MMS22L: variants seen among roughly 807,000 people sequenced by gnomAD.
MMS22L encodes the protein MMS22 like, DNA repair protein, also known as protein MMS22-like.
Under a neutral mutation model 159.1 loss-of-function variants are expected in MMS22L, and 74 were observed. That is an observed-to-expected ratio of 0.47 (90% CI 0.39 to 0.56). MMS22L has a LOEUF of 0.56. Ranked by LOEUF, MMS22L falls within the 20% of genes least tolerant of loss-of-function variation. The pLI is 0.00. For synonymous variants in MMS22L, 517 were observed against 506.9 expected, an observed-to-expected ratio of 1.02 and a Z score of -0.27; for missense variants, 1,351 against 1,422.1, an observed-to-expected ratio of 0.95 and a Z score of 0.80.
chr6:97,219,358 C>T (rs933419470), intron 14 of MMS22L, among the ~76,000 whole-genome samples: 13 of 152,180 alleles, frequency 8.5e-5, no homozygotes, highest in Non-Finnish European at 1.9e-4. Context: ...GATTCATGTT[C>T]TGGACAGGTG....
Position 97,233,863 on chromosome 6 carries a change from G to A in MMS22L, c.1300C>T (p.Leu434=). 1.2e-6 allele frequency: 2 copies of A among 1,600,098 alleles called. No individual in the cohort carries two copies. Among genetic ancestry groups the A allele is most frequent in the African/African-American group, 1.3e-5 (1 of 74,346 alleles). ...AAATTCCTATTCTATTCACTCACCA[G>A]GTTCTTACTATAATATTCCCATAAA... ...TILWEYYSKN[L]NSSFSISWLP... Residue 434 remains leucine, a splice_region_variant and synonymous_variant, in exon 12 of 25, where the codon CTG becomes TTG. Coordinates refer to ENST00000683635, the MANE Select transcript of MMS22L (RefSeq NM_001350599.2).
chr6:97,236,001 T>C (rs527264804), intron 11 of MMS22L, among the ~76,000 whole-genome samples: 2 of 152,182 alleles, frequency 1.3e-5, no homozygotes, highest in South Asian at 2.1e-4. Context: ...CCCGAATGGA[T>C]TGGAGAAGAG....
intron 19 of MMS22L, among the ~76,000 whole-genome samples, chr6:97,169,964 T>G (rs1370499259): frequency 6.6e-6 from 1 of 152,016 alleles, no homozygotes; most frequent in African/African-American, 2.4e-5. Context: ...AATAAGATAT[T>G]TTGACGAGGG....
In MMS22L at chr6:97,273,055, T is replaced by A. The variant is rs761138645; in HGVS notation, c.348A>T (p.Val116=). 6.2e-7 allele frequency: 1 copy of A among 1,603,992 alleles called. No individual in the cohort carries two copies. The highest frequency in any genetic ancestry group is 1.3e-5 in the African/African-American group (1 of 74,332). Residue 116 remains valine, a synonymous_variant, in exon 5 of 25, where the codon GTA becomes GTT. Coordinates refer to ENST00000683635, the MANE Select transcript of MMS22L (RefSeq NM_001350599.2). ...LLQSSCDFGK[V]STLHCKADNI... is the part of the protein sequence containing the mutation. Reference sequence around the variant, plus strand: ...TGTCTGCTTTGCAGTGTAGAGTTGATACCTTCCCTGAAACCAAAATAGACA... The same window carrying A: ...TGTCTGCTTTGCAGTGTAGAGTTGAAACCTTCCCTGAAACCAAAATAGACA...
At chr6:97,154,984 T>G (rs890327686) in intron 22 of MMS22L, among the ~76,000 whole-genome samples, 3 of 152,210 alleles carry the variant, frequency 2.0e-5, no homozygotes, top group Non-Finnish European at 4.4e-5. Context: ...ATGGAGCTAT[T>G]AGTATAGTCA....
intron 24 of MMS22L, among the ~76,000 whole-genome samples, chr6:97,149,204 A>G (rs1481010124): frequency 1.3e-5 from 2 of 152,186 alleles, no homozygotes; most frequent in East Asian, 3.9e-4. Flanking sequence ...GTTAAGCAAC[A>G]CATAACTGTA....
At chr6:97,177,265 T>C (rs905376531) in intron 18 of MMS22L, among the ~76,000 whole-genome samples, 10 of 152,168 alleles carry the variant, frequency 6.6e-5, no homozygotes, top group African/African-American at 1.9e-4. Context: ...AAACTTCTTA[T>C]ACTAAAATGC....
At chr6:97,249,675 T>C (rs1252809321) in intron 10 of MMS22L, among the ~76,000 whole-genome samples, 2 of 151,724 alleles carry the variant, frequency 1.3e-5, no homozygotes, top group Non-Finnish European at 2.9e-5. Flanking sequence ...TCCAAGGTTA[T>C]CTGGCACCAA....
chr6:97,148,040 G>C (rs907183284), intron 24 of MMS22L, among the ~76,000 whole-genome samples: 10 of 152,092 alleles, frequency 6.6e-5, no homozygotes, highest in African/African-American at 1.9e-4. Flanking sequence ...AAACATTTTG[G>C]TCAATGATGG....
chr6:97,150,874 G>A (rs1157663182), intron 23 of MMS22L, among the ~76,000 whole-genome samples: 2 of 152,062 alleles, frequency 1.3e-5, no homozygotes, highest in Non-Finnish European at 2.9e-5. Flanking sequence ...ATACAAAAAC[G>A]TATTGCCCTA....
chr6:97,237,257 G>A (rs565792164), intron 11 of MMS22L, among the ~76,000 whole-genome samples: 1 of 152,204 alleles, frequency 6.6e-6, no homozygotes, highest in South Asian at 2.1e-4. Flanking sequence ...ATAACGTCAG[G>A]GTCACTAGCA....
intron 17 of MMS22L, 24 bp from the exon 18 acceptor site, chr6:97,178,609 T>A (rs1218357317): frequency 8.2e-7 from 1 of 1,226,494 alleles, no homozygotes; most frequent in Non-Finnish European, 1.1e-6. Context: ...ATAGTATTTG[T>A]TATATCAATT....
intron 14 of MMS22L, among the ~76,000 whole-genome samples, chr6:97,188,696 A>G (rs1805514440): frequency 6.6e-6 from 1 of 152,208 alleles, no homozygotes; most frequent in South Asian, 2.1e-4. Flanking sequence ...CTTAGGTTAA[A>G]GAAATTTCAT....
intron 14 of MMS22L, among the ~76,000 whole-genome samples, chr6:97,213,088 T>C (rs1364823068): frequency 6.6e-6 from 1 of 152,172 alleles, no homozygotes; most frequent in Non-Finnish European, 1.5e-5. Context: ...GAGTAACATG[T>C]CTTTGATATT....
Position 97,204,937 on chromosome 6 carries a change from CTTTTTTTTTTTT to C in MMS22L, c.2040-18259_2040-18248del, listed in dbSNP as rs1222516541. ...GTGCTTTGAGGGCCATGTACAGTGT[CTTTTTTTTTTTT>C]TTTTTTTTTTTTGAGATGGAGTCTC... On this transcript the variant is annotated intron_variant, in intron 14 of 24. Transcript: ENST00000683635. Among the ~76,000 whole-genome samples, 9 of 52,376 alleles carry C rather than the reference CTTTTTTTTTTTT, an allele frequency of 1.7e-4. No homozygotes were observed. The South Asian group carries it at 4.5e-3, about 26-fold the overall frequency. The allele number at this position is 52,376 out of a possible 152,430, so 34.4% of individuals were successfully genotyped here. A position where few individuals can be genotyped will look rare whatever the true frequency, so the allele number is the denominator to read the frequency against.
intron 9 of MMS22L, 141 bp from the exon 10 acceptor site, chr6:97,254,874 G>C: frequency 1.6e-6 from 1 of 636,576 alleles, no homozygotes; most frequent in Non-Finnish European, 2.5e-6. Context: ...AAATGCCCAG[G>C]TTAAGAATCA....
At chr6:97,179,775 T>C (rs1488306963) in intron 16 of MMS22L, among the ~76,000 whole-genome samples, 1 of 152,220 alleles carries the variant, frequency 6.6e-6, no homozygotes, top group Non-Finnish European at 1.5e-5. Flanking sequence ...ATTTTTAATG[T>C]TATAATTTTC....
At chr6:97,246,790 T>A (rs1481884755) in intron 10 of MMS22L, 100 bp from the exon 11 acceptor site, 2 of 730,498 alleles carry the variant, frequency 2.7e-6, no homozygotes, top group Non-Finnish European at 4.5e-6. Context: ...CATTTTCCTC[T>A]ATCATTCAGC....
intron 14 of MMS22L, among the ~76,000 whole-genome samples, chr6:97,186,974 T>G (rs573563751): frequency 8.5e-5 from 13 of 152,296 alleles, no homozygotes; most frequent in African/African-American, 2.9e-4. Flanking sequence ...AAGGTCTGCA[T>G]TTTGCAACTC....
Sources: allele counts gnomAD v4.1 joint callset (sites outside exome capture counted in the v4.1 genomes callset), GRCh38; gene constraint gnomAD v4.1.1; transcripts MANE v1.5; gene names NCBI Gene and HGNC (gene_info 2026-07-23, HGNC 2026-07-21).